The following PDE10A variants were observed in gnomAD, a reference collection of about 807,000 sequenced individuals.
PDE10A encodes phosphodiesterase 10A.
PDE10A carries 39 observed loss-of-function variants against 97.7 expected under a neutral mutation model. The observed-to-expected ratio is 0.40, with a 90% CI of 0.31 to 0.52. The LOEUF (loss-of-function observed/expected upper bound fraction) is 0.52, where lower values mean the gene tolerates loss of function less well. Ranked by LOEUF, PDE10A falls within the 20% of genes least tolerant of loss-of-function variation. The pLI, the probability that PDE10A is intolerant of heterozygous loss-of-function variation, is 0.56. For synonymous variants in PDE10A, 371 were observed against 376.8 expected (o/e 0.98, Z 0.18); for missense variants, 731 against 1,047.8 (o/e 0.70, Z 4.17).
Position 165,330,360 on chromosome 6 carries a change from G to A in PDE10A, c.*2665C>T, listed in dbSNP as rs546979221. 3.3e-5 allele frequency: 5 copies of A among 152,194 alleles called. No homozygotes were observed. The highest frequency in any genetic ancestry group is 3.9e-4 in the East Asian group (2 of 5,184). 9.4% of individuals were successfully genotyped at this position (152,194 alleles called of 1,614,324 possible). A position where few individuals can be genotyped will look rare whatever the true frequency, so the allele number is the denominator to read the frequency against. On this transcript the variant is annotated 3_prime_UTR_variant, in exon 22 of 22. Transcript: ENST00000539869. ...GGGAACAAGACAAGAAACATGACCC[G>A]AAAGTCTGTCTCCTAAACATCTGAC...
At chr6:165,470,019 G>C (rs1447791470) in intron 3 of PDE10A, among the ~76,000 whole-genome samples, 1 of 152,140 alleles carries the variant, frequency 6.6e-6, no homozygotes, top group Non-Finnish European at 1.5e-5. Flanking sequence ...GCTGCAGTGA[G>C]TGAGGGCATT....
At chr6:165,385,625 T>C (rs1163298284) in intron 17 of PDE10A, among the ~76,000 whole-genome samples, 1 of 152,228 alleles carries the variant, frequency 6.6e-6, no homozygotes, top group Non-Finnish European at 1.5e-5. Context: ...ATGTTTGTTA[T>C]TAAATTGGAT....
chr6:165,484,052 C>T (rs558790009), intron 2 of PDE10A, among the ~76,000 whole-genome samples: 2 of 152,348 alleles, frequency 1.3e-5, no homozygotes, highest in African/African-American at 4.8e-5. Flanking sequence ...TCCAACTTAA[C>T]ACTCAATTTT....
chr6:165,689,581 A>C (rs1187583471), intron 1 of PDE10A, among the ~76,000 whole-genome samples: 1 of 152,102 alleles, frequency 6.6e-6, no homozygotes, highest in Admixed American at 6.5e-5. Context: ...TCTGATTGTT[A>C]AAAGGAGCCT....
intron 1 of PDE10A, among the ~76,000 whole-genome samples, chr6:165,729,377 G>T: frequency 6.6e-6 from 1 of 152,044 alleles, no homozygotes; most frequent in East Asian, 1.9e-4. Context: ...AAAAATATTT[G>T]GATAAATTAC....
chr6:165,459,190 C>A (rs189380626), intron 3 of PDE10A, among the ~76,000 whole-genome samples: 9 of 152,198 alleles, frequency 5.9e-5, no homozygotes, highest in African/African-American at 1.7e-4. Context: ...GCCTCCCTGA[C>A]TTCCTCCATG....
chr6:165,345,979 C>T (rs1247884150), intron 18 of PDE10A, among the ~76,000 whole-genome samples: 1 of 152,102 alleles, frequency 6.6e-6, no homozygotes, highest in Non-Finnish European at 1.5e-5. Flanking sequence ...ACAAGCAAGG[C>T]AGGTTTGAGG....
rs145814930 is a variant in PDE10A, at chr6:165,547,329, A to C, written c.866-3761T>G. On this transcript the variant is annotated intron_variant, in intron 1 of 21. Coordinates refer to ENST00000539869, the MANE Select transcript of PDE10A (RefSeq NM_001385079.1). ...CAGGTTAAAAGTAATAAATGATAGAAGAGAAGCACACGGGTATTGATAGAC... is the reference window on the plus strand; with the variant it reads ...CAGGTTAAAAGTAATAAATGATAGACGAGAAGCACACGGGTATTGATAGAC... Among the ~76,000 whole-genome samples, 270 of 152,286 alleles carry C rather than the reference A, an allele frequency of 1.8e-3. 2 individuals are homozygous for C. The highest frequency in any genetic ancestry group is 6.3e-3 in the African/African-American group (260 of 41,578).
intron 1 of PDE10A, among the ~76,000 whole-genome samples, chr6:165,863,494 G>A (rs368941276): frequency 3.3e-5 from 5 of 152,214 alleles, no homozygotes; most frequent in African/African-American, 7.2e-5. Context: ...AGGAAGCTCC[G>A]AGCCCAATTT....
chr6:165,805,848 T>C (rs1443696227), intron 1 of PDE10A, among the ~76,000 whole-genome samples: 1 of 150,984 alleles, frequency 6.6e-6, no homozygotes, highest in East Asian at 2.0e-4. Flanking sequence ...ATCTGGGTGG[T>C]TGCTCTGGCC....
chr6:165,356,211 T>G (rs1783014451), intron 18 of PDE10A, among the ~76,000 whole-genome samples: 1 of 152,060 alleles, frequency 6.6e-6, no homozygotes, highest in Admixed American at 6.6e-5. Flanking sequence ...GAGATGAGAT[T>G]TAGGTGGGGA....
At chr6:165,563,795 A>G (rs705788) in intron 1 of PDE10A, among the ~76,000 whole-genome samples, 140,211 of 151,926 alleles carry the variant, frequency 0.92, 65,160 homozygotes, top group Non-Finnish European at 0.98. Flanking sequence ...GGAGGCTGGG[A>G]CACAAGAATT....
chr6:165,912,913 A>G lies in PDE10A; in HGVS notation c.-615+74616T>C, dbSNP rs866793569. Among the ~76,000 whole-genome samples, 12 of 152,314 alleles carry G rather than the reference A, an allele frequency of 7.9e-5. No individual in the cohort carries two copies. In the South Asian group the frequency reaches 1.9e-3, roughly 24 times the overall value. On this transcript the variant is annotated intron_variant, in intron 1 of 19. Transcript: ENST00000366882. The stretch of plus-strand genomic sequence containing the variant: ...CAACTTTATAAAGCAACTATCTCAA[A>G]TAACAAGAATCACCTGTATAAATGT...
intron 21 of PDE10A, 33 bp from the exon 22 acceptor site, chr6:165,333,160 T>C: frequency 7.9e-7 from 1 of 1,270,578 alleles, no homozygotes. Context: ...CAGGAGAAGC[T>C]GAATAAAGGA....
chr6:165,372,535 C>T (rs1359997508), intron 18 of PDE10A, among the ~76,000 whole-genome samples: 2 of 144,946 alleles, frequency 1.4e-5, no homozygotes, highest in African/African-American at 5.3e-5. Context: ...CGTGAAGGAC[C>T]TCTTCAAGGA....
Position 165,902,116 on chromosome 6 carries a change from T to C in PDE10A, c.-615+85413A>G, listed in dbSNP as rs369396158. ...ATTTTGTATATGTATATGCAATCTATACCTAGGACTGCATGGATCACATAT... is the reference window on the plus strand; with the variant it reads ...ATTTTGTATATGTATATGCAATCTACACCTAGGACTGCATGGATCACATAT... On this transcript the variant is annotated intron_variant, in intron 1 of 19. Coordinates refer to the PDE10A transcript ENST00000366882. 1.8e-3 allele frequency among the ~76,000 whole-genome samples: 274 copies of C among 152,280 alleles called. 8 individuals are homozygous for C. In the South Asian group the frequency reaches 0.052, roughly 29 times the overall value.
chr6:165,477,519 T>C (rs1779363315), intron 3 of PDE10A, among the ~76,000 whole-genome samples: 1 of 152,232 alleles, frequency 6.6e-6, no homozygotes, highest in African/African-American at 2.4e-5. Flanking sequence ...ACTCACCTAA[T>C]ATTTGTTGAC....
intron 2 of PDE10A, among the ~76,000 whole-genome samples, chr6:165,520,520 G>A (rs113884764): frequency 5.1e-4 from 77 of 152,184 alleles, no homozygotes; most frequent in African/African-American, 1.7e-3. Flanking sequence ...TACTACCCTG[G>A]GCACCTAGTG....
chr6:165,760,986 C>A (rs1018241024), intron 1 of PDE10A, among the ~76,000 whole-genome samples: 1 of 152,182 alleles, frequency 6.6e-6, no homozygotes, highest in Non-Finnish European at 1.5e-5. Flanking sequence ...GCCTCTAGAA[C>A]CTCTGACCAG....
Sources: gnomAD v4.1 joint callset for allele counts (sites outside exome capture counted in the v4.1 genomes callset) on GRCh38, gnomAD v4.1.1 for gene constraint, MANE v1.5 for transcripts, NCBI Gene and HGNC (gene_info 2026-07-23, HGNC 2026-07-21) for gene names.